Variants in AP3B1 observed in about 807,000 individuals in gnomAD.
AP3B1 encodes AP-3 complex subunit beta-1.
A neutral mutation model predicts 132.5 loss-of-function variants in AP3B1; 61 were observed. The observed-to-expected ratio is 0.46, with a 90% CI of 0.37 to 0.57. The LOEUF is 0.57. Ranked by LOEUF, AP3B1 falls within the 20% of genes least tolerant of loss-of-function variation. The probability of loss-of-function intolerance (pLI) is 0.00; values close to 1 mark genes in which losing one functional copy is unlikely to be tolerated. For missense variants in AP3B1, 1,120 were observed against 1,289.4 expected (o/e 0.87, Z 2.01); for synonymous variants, 388 against 438.3 (o/e 0.89, Z 1.43).
chr5:78,059,145 A>G (rs57765830), intron 22 of AP3B1, among the ~76,000 whole-genome samples: 1 of 152,244 alleles, frequency 6.6e-6, no homozygotes, highest in African/African-American at 2.4e-5. Flanking sequence ...TAAGTGAATG[A>G]GAGAGGCAGG....
chr5:78,293,912 T>C (rs377424930), intron 1 of AP3B1, among the ~76,000 whole-genome samples: 1 of 152,226 alleles, frequency 6.6e-6, no homozygotes, highest in Admixed American at 6.5e-5. Flanking sequence ...TTGTCTGTAG[T>C]GCAAAGGACA....
Position 78,127,863 on chromosome 5 carries a change from A to G in AP3B1, c.1968+167T>C, listed in dbSNP as rs147621944. On this transcript the variant is annotated intron_variant, in intron 17 of 26. Transcript: ENST00000255194. ...ACATGTACAATGGCATAGGAATACT[A>G]TAATATTTAGTTGCTATAAAGGCAA... Among the ~76,000 whole-genome samples, 315 of 152,286 alleles carry G rather than the reference A, an allele frequency of 2.1e-3. 1 individual carries two copies. Among genetic ancestry groups the G allele is most frequent in the Non-Finnish European group, 3.8e-3 (255 of 67,976 alleles).
intron 3 of AP3B1, among the ~76,000 whole-genome samples, chr5:78,237,464 C>T (rs902085270): frequency 3.4e-4 from 52 of 151,690 alleles, no homozygotes; most frequent in African/African-American, 1.2e-3. Flanking sequence ...ACTACAGTTC[C>T]CCCCCAAAAA....
chr5:78,110,341 C>A lies in AP3B1; in HGVS notation c.2263G>T (p.Gly755Trp). The change falls in exon 20 of 27, where the codon GGG (glycine) becomes TGG (tryptophan). Residue 755 changes from glycine (G) to tryptophan (W), a missense_variant. Gly to Trp is a radical substitution (Grantham distance 184). Transcript: ENST00000255194. Reference protein sequence around the residue: ...KAKGKSDSEDGEKENEKSKTS... With the variant: ...KAKGKSDSEDWEKENEKSKTS... ...TTAGATTTTTCATTTTCCTTCTCCC[C>A]ATCTTCAGAATCACTACACATAATA... 1 of 1,608,170 alleles carries A rather than the reference C, an allele frequency of 6.2e-7. No homozygotes were observed. The highest frequency in any genetic ancestry group is 8.5e-7 in the Non-Finnish European group (1 of 1,175,728).
At chr5:78,045,400 A>C (rs2545427) in intron 22 of AP3B1, among the ~76,000 whole-genome samples, 36,310 of 148,096 alleles carry the variant, frequency 0.25, 4,855 homozygotes, top group Admixed American at 0.37. Context: ...AAAAAAAAAA[A>C]CACAAAGAAA....
At chr5:78,221,627 A>G (rs1020992110) in intron 6 of AP3B1, among the ~76,000 whole-genome samples, 2 of 151,940 alleles carry the variant, frequency 1.3e-5, no homozygotes, top group Non-Finnish European at 2.9e-5. Context: ...AAAAAGAACC[A>G]AAAGAATAAA....
chr5:78,142,288 A>G (rs1271348175), intron 14 of AP3B1, among the ~76,000 whole-genome samples: 1 of 152,196 alleles, frequency 6.6e-6, no homozygotes, highest in Admixed American at 6.5e-5. Flanking sequence ...TTTTATTACT[A>G]TTTGCTTATT....
chr5:78,276,583 A>G (rs886250576), intron 1 of AP3B1, among the ~76,000 whole-genome samples: 1 of 152,016 alleles, frequency 6.6e-6, no homozygotes, highest in Non-Finnish European at 1.5e-5. Context: ...AAATCCAAAA[A>G]TTAGTTGGAC....
chr5:78,081,300 A>ATTTTTTTTTTTTTTTTTT (rs560113962), intron 22 of AP3B1, among the ~76,000 whole-genome samples: 1 of 100,862 alleles, frequency 9.9e-6, no homozygotes, highest in African/African-American at 3.7e-5. Context: ...GCATTACTTC[A>ATTTTTTTTTTTTTTTTTT]TTTTTTTTTT....
At chr5:78,189,045 G>A (rs1213743224) in intron 7 of AP3B1, among the ~76,000 whole-genome samples, 2 of 152,242 alleles carry the variant, frequency 1.3e-5, no homozygotes, top group East Asian at 1.9e-4. Flanking sequence ...TGGACACAGC[G>A]AGGGAACAAC....
At chr5:78,106,299 A>T (rs968198008) in intron 20 of AP3B1, among the ~76,000 whole-genome samples, 12 of 151,984 alleles carry the variant, frequency 7.9e-5, no homozygotes, top group African/African-American at 2.9e-4. Flanking sequence ...TCTATTAAAA[A>T]TACAAAAAAT....
At chr5:78,263,471 T>C (rs1178347432) in intron 2 of AP3B1, among the ~76,000 whole-genome samples, 1 of 152,210 alleles carries the variant, frequency 6.6e-6, no homozygotes, top group Non-Finnish European at 1.5e-5. Flanking sequence ...TCCTTTTCCA[T>C]TTGGATGTCT....
At chr5:78,159,557 A>T (rs1187995760) in intron 13 of AP3B1, among the ~76,000 whole-genome samples, 3 of 152,090 alleles carry the variant, frequency 2.0e-5, no homozygotes, top group African/African-American at 7.2e-5. Flanking sequence ...CAACAATCAC[A>T]TCACCCTGAC....
At chr5:78,272,680 G>A (rs1183052869) in intron 1 of AP3B1, among the ~76,000 whole-genome samples, 1 of 152,222 alleles carries the variant, frequency 6.6e-6, no homozygotes, top group African/African-American at 2.4e-5. Context: ...AAGGAAAGAA[G>A]GAGGCAATTT....
chr5:78,058,157 T>C (rs1478605600), intron 22 of AP3B1, among the ~76,000 whole-genome samples: 1 of 152,242 alleles, frequency 6.6e-6, no homozygotes, highest in Admixed American at 6.5e-5. Flanking sequence ...AAAAATTCAT[T>C]TCATTTGAGA....
chr5:78,049,236 C>G (rs1748474512), intron 22 of AP3B1, among the ~76,000 whole-genome samples: 1 of 152,162 alleles, frequency 6.6e-6, no homozygotes, highest in South Asian at 2.1e-4. Context: ...GACCCTATGT[C>G]TCCCTTGGGC....
intron 6 of AP3B1, among the ~76,000 whole-genome samples, chr5:78,223,562 T>C (rs1746278806): frequency 6.6e-6 from 1 of 152,220 alleles, no homozygotes; most frequent in Non-Finnish European, 1.5e-5. Flanking sequence ...TTTTACTTTC[T>C]GGTGTATTTT....
intron 25 of AP3B1, among the ~76,000 whole-genome samples, chr5:78,017,382 A>G (rs1442303288): frequency 3.3e-5 from 5 of 152,044 alleles, no homozygotes; most frequent in Admixed American, 2.6e-4. Context: ...TGTAAACTGA[A>G]TCAAGATTAA....
intron 22 of AP3B1, among the ~76,000 whole-genome samples, chr5:78,041,360 C>G (rs1017544007): frequency 5.3e-5 from 8 of 151,516 alleles, no homozygotes; most frequent in African/African-American, 1.9e-4. Context: ...AGTTTGAGAA[C>G]CAGCCTGGGC....
Sources: gnomAD v4.1 joint callset for allele counts (sites outside exome capture counted in the v4.1 genomes callset) on GRCh38, gnomAD v4.1.1 for gene constraint, MANE v1.5 for transcripts, NCBI Gene and HGNC (gene_info 2026-07-23, HGNC 2026-07-21) for gene names.